The following BCAS3 variants were observed in gnomAD, a reference collection of about 807,000 sequenced individuals.
BCAS3 encodes the protein BCAS3 microtubule associated cell migration factor.
BCAS3 carries 53 observed loss-of-function variants against 116.1 expected under a neutral mutation model. The observed-to-expected ratio is 0.46, with a 90% CI of 0.37 to 0.57. The LOEUF (loss-of-function observed/expected upper bound fraction) is 0.57. Among genes scored for constraint, BCAS3 ranks in the 20% least tolerant of loss-of-function variants. BCAS3 has a pLI of 0.00. For synonymous variants in BCAS3, 391 were observed against 408.2 expected, an observed-to-expected ratio of 0.96 and a Z score of 0.51; for missense variants, 917 against 1,165.4, an observed-to-expected ratio of 0.79 and a Z score of 3.10.
chr17:60,907,605 C>A (rs1292914018), intron 11 of BCAS3, among the ~76,000 whole-genome samples: 2 of 152,168 alleles, frequency 1.3e-5, no homozygotes, highest in African/African-American at 2.4e-5. Context: ...TATAGTCTGT[C>A]ATGTTCAGCT....
intron 21 of BCAS3, among the ~76,000 whole-genome samples, chr17:61,080,823 T>C (rs1344899135): frequency 6.6e-6 from 1 of 152,238 alleles, no homozygotes; most frequent in African/African-American, 2.4e-5. Context: ...TATCTTCTTT[T>C]AATACCTTGT....
chr17:60,790,673 TTATTA>T (rs2046679906), intron 6 of BCAS3, among the ~76,000 whole-genome samples: 1 of 152,048 alleles, frequency 6.6e-6, no homozygotes, highest in African/African-American at 2.4e-5. Context: ...TAGGCACTGA[TTATTA>T]TATAATTCTA....
chr17:60,747,368 A>C (rs1598429379), intron 6 of BCAS3, 89 bp downstream of exon 6: 1 of 1,094,752 alleles, frequency 9.1e-7, no homozygotes, highest in East Asian at 2.4e-5. Context: ...TGATAACTAA[A>C]GTCTGTTTTC....
rs189216317 is a variant in BCAS3, at chr17:61,178,407, G to A, written c.2425+93843G>A. On this transcript the variant is annotated intron_variant, in intron 22 of 23. Coordinates refer to ENST00000407086, the MANE Select transcript of BCAS3 (RefSeq NM_017679.5). Reference sequence around the variant, plus strand: ...TTACCCATCCAATCACTTTTCACACGTTTCTTCCATTAGCTTGACTAGAGT... The same window carrying A: ...TTACCCATCCAATCACTTTTCACACATTTCTTCCATTAGCTTGACTAGAGT... Among the ~76,000 whole-genome samples, 31 of 152,136 alleles carry A rather than the reference G, an allele frequency of 2.0e-4. 1 individual carries two copies. The highest frequency in any genetic ancestry group is 7.2e-4 in the African/African-American group (30 of 41,522).
rs1167994825 is a variant in BCAS3, at chr17:60,932,742, C to CAAAAAAAA, written c.1087+8260_1087+8267dup. Among the ~76,000 whole-genome samples the CAAAAAAAA allele has an allele frequency of 1.0e-4, 4 of 38,204 alleles. 1 individual carries two copies. Among genetic ancestry groups the CAAAAAAAA allele is most frequent in the African/African-American group, 1.9e-4 (3 of 15,848 alleles). The allele number at this position is 38,204 out of a possible 152,430, so 25.1% of individuals were successfully genotyped here. ...GGGCGACAGAGCGAGACTCTTGTCT[C>CAAAAAAAA]AAAAAAAAAAAAAAAAAAAAAAAAA... On this transcript the variant is annotated intron_variant, in intron 13 of 23. Coordinates refer to ENST00000407086, the MANE Select transcript of BCAS3 (RefSeq NM_017679.5).
Position 61,087,313 on chromosome 17 carries a change from T to G in BCAS3, c.2425+2749T>G, listed in dbSNP as rs571703182. The G allele has an allele frequency of 8.0e-6, 5 of 621,968 alleles. No individual in the cohort carries two copies. In the African/African-American group the frequency reaches 1.0e-4, roughly 12 times the overall value. 38.5% of individuals were successfully genotyped at this position (621,968 alleles called of 1,614,324 possible). The stretch of plus-strand genomic sequence containing the variant: ...CAAGCATTTTATATGACTTCATGGA[T>G]TATCTTCTTAATTATTCCTATGGCA... On this transcript the variant is annotated intron_variant, in intron 22 of 23. Transcript: ENST00000407086. The surrounding 1 kb of genome is among the most constrained non-coding windows in gnomAD (Gnocchi z 4.6).
intron 7 of BCAS3, among the ~76,000 whole-genome samples, chr17:60,867,238 T>G (rs1412387401): frequency 6.6e-6 from 1 of 152,000 alleles, no homozygotes; most frequent in Non-Finnish European, 1.5e-5. Flanking sequence ...CTCAAGTAGT[T>G]GGGATTACAG....
intron 22 of BCAS3, among the ~76,000 whole-genome samples, chr17:61,260,902 C>G (rs1197409836): frequency 6.6e-6 from 1 of 152,120 alleles, no homozygotes; most frequent in African/African-American, 2.4e-5. Flanking sequence ...TGATGTTGCT[C>G]TACTCTAGTG....
intron 7 of BCAS3, among the ~76,000 whole-genome samples, chr17:60,854,949 G>GTTTTTTTTTTTTTTTTTTTTTTT (rs1267985905): frequency 1.6e-5 from 2 of 121,932 alleles, no homozygotes; most frequent in African/African-American, 7.1e-5. Context: ...TTTCAGTGAG[G>GTTTTTTTTTTTTTTTTTTTTTTT]TTTTTTTTTT....
chr17:60,743,071 C>A (rs2041725858), intron 5 of BCAS3, among the ~76,000 whole-genome samples: 1 of 150,624 alleles, frequency 6.6e-6, no homozygotes, highest in African/African-American at 2.4e-5. Flanking sequence ...CAAGATCGCG[C>A]CACTGCACTC....
rs2055814231 is a variant in BCAS3, at chr17:61,327,288, G to A, written c.2426-41039G>A. Among the ~76,000 whole-genome samples, 1 of 151,892 alleles carries A rather than the reference G, an allele frequency of 6.6e-6. No individual in the cohort carries two copies. Among genetic ancestry groups the A allele is most frequent in the Admixed American group, 6.6e-5 (1 of 15,242 alleles). Reference sequence around the variant, plus strand: ...TTGCACTTCAGCCTGGCAACAGAGTGAAACTCCGTCTCAAAAATAAAATAA... The same window carrying A: ...TTGCACTTCAGCCTGGCAACAGAGTAAAACTCCGTCTCAAAAATAAAATAA... On this transcript the variant is annotated intron_variant, in intron 22 of 23. Transcript: ENST00000407086. The surrounding 1 kb of genome is among the most constrained non-coding windows in gnomAD (Gnocchi z 5.9).
chr17:60,865,492 C>G (rs1447200857), intron 7 of BCAS3, among the ~76,000 whole-genome samples: 2 of 152,136 alleles, frequency 1.3e-5, no homozygotes, highest in Non-Finnish European at 2.9e-5. Flanking sequence ...GTATACAAAT[C>G]TTGCATGTAT....
At chr17:61,059,954 G>T (rs1331667665) in intron 19 of BCAS3, among the ~76,000 whole-genome samples, 2 of 151,872 alleles carry the variant, frequency 1.3e-5, no homozygotes, top group Non-Finnish European at 2.9e-5. Flanking sequence ...TTGAACCTAG[G>T]AAGGAAGGAA....
intron 6 of BCAS3, among the ~76,000 whole-genome samples, chr17:60,749,209 T>G (rs990574946): frequency 6.6e-6 from 1 of 152,248 alleles, no homozygotes; most frequent in Non-Finnish European, 1.5e-5. Flanking sequence ...ATTGTCTGTC[T>G]TTATTCTTCC....
chr17:61,328,289 G>A (rs912656156), intron 22 of BCAS3, among the ~76,000 whole-genome samples: 2 of 152,116 alleles, frequency 1.3e-5, no homozygotes, highest in Non-Finnish European at 2.9e-5. Flanking sequence ...CTTGTCTCTG[G>A]GGAAGTAAAC....
chr17:60,815,634 A>G (rs984636618), intron 7 of BCAS3, among the ~76,000 whole-genome samples: 1 of 152,240 alleles, frequency 6.6e-6, no homozygotes, highest in Non-Finnish European at 1.5e-5. Context: ...GACTCAGTTT[A>G]TAGGCATAAA....
At chr17:61,242,002 T>A (rs966892921) in intron 22 of BCAS3, among the ~76,000 whole-genome samples, 4 of 151,464 alleles carry the variant, frequency 2.6e-5, no homozygotes, top group Non-Finnish European at 5.9e-5. Context: ...ATTGGCTGGG[T>A]GTGGTGGCTC....
rs57784469 is a variant in BCAS3, at chr17:61,319,896, A to ATTT, written c.2426-48421_2426-48419dup. On this transcript the variant is annotated intron_variant, in intron 22 of 23. Transcript: ENST00000407086. ...CTTCTTCTTCTTTTTTTTATTTTTTATTTTTTTTTTTTGAGATAGAGTCTT... is the reference window on the plus strand; with the variant it reads ...CTTCTTCTTCTTTTTTTTATTTTTTATTTTTTTTTTTTTTTGAGATAGAGTCTT... Among the ~76,000 whole-genome samples, 455 of 134,712 alleles carry ATTT rather than the reference A, an allele frequency of 3.4e-3. 3 individuals carry two copies. Among genetic ancestry groups the ATTT allele is most frequent in the African/African-American group, 0.012 (427 of 36,994 alleles). The allele number at this position is 134,712 out of a possible 152,430, so 88.4% of individuals were successfully genotyped here.
chr17:60,688,683 G>T (rs2034412541), intron 3 of BCAS3, among the ~76,000 whole-genome samples: 1 of 151,998 alleles, frequency 6.6e-6, no homozygotes, highest in African/African-American at 2.4e-5. Context: ...GGGCGTGGTG[G>T]CACACGCCTA....
Sources: allele counts gnomAD v4.1 joint callset (sites outside exome capture counted in the v4.1 genomes callset), GRCh38; gene constraint gnomAD v4.1.1; non-coding constraint Gnocchi (gnomAD v3.1); transcripts MANE v1.5; gene names NCBI Gene and HGNC (gene_info 2026-07-23, HGNC 2026-07-21).